The following TRABD2B variants were observed in gnomAD, a reference collection of about 807,000 sequenced individuals.
TRABD2B encodes the protein metalloprotease TIKI2.
Under a neutral mutation model 40.1 loss-of-function variants are expected in TRABD2B, and 14 were observed. The observed-to-expected ratio is 0.35, with a 90% confidence interval of 0.23 to 0.55. The LOEUF is 0.55. Among genes scored for constraint, TRABD2B ranks in the 20% least tolerant of loss-of-function variants. The pLI is 0.90. For synonymous variants in TRABD2B, 263 were observed against 277.0 expected, an observed-to-expected ratio of 0.95 and a Z score of 0.50; for missense variants, 541 against 648.6, an observed-to-expected ratio of 0.83 and a Z score of 1.80.
chr1:47,765,580 C>T lies in TRABD2B; in HGVS notation c.*322G>A. The T allele has an allele frequency of 5.5e-6, 2 of 363,514 alleles. No homozygotes were observed. Among genetic ancestry groups the T allele is most frequent in the Non-Finnish European group, 1.0e-5 (2 of 195,204 alleles). 22.5% of individuals were successfully genotyped at this position (363,514 alleles called of 1,614,324 possible). ...AGGAGGTCACTGATGTCCCGGGTTC[C>T]CCTCCCGGGCCAGCACTAGGGCTAG... is the stretch of plus-strand genomic sequence containing the variant. On this transcript the variant is annotated 3_prime_UTR_variant, in exon 7 of 7. Transcript: ENST00000606738.
At chr1:47,890,743 C>G in intron 2 of TRABD2B, among the ~76,000 whole-genome samples, 1 of 152,300 alleles carries the variant, frequency 6.6e-6, no homozygotes, top group East Asian at 1.9e-4. Flanking sequence ...GTCCCTTTAA[C>G]GTTCATTCAA....
chr1:47,965,049 C>T (rs1307746743), intron 2 of TRABD2B, among the ~76,000 whole-genome samples: 5 of 151,670 alleles, frequency 3.3e-5, no homozygotes, highest in Non-Finnish European at 7.4e-5. Flanking sequence ...TACTAAGGGG[C>T]TTTAAGCATT....
chr1:47,980,008 A>G (rs1645817889), intron 2 of TRABD2B, among the ~76,000 whole-genome samples: 2 of 152,168 alleles, frequency 1.3e-5, no homozygotes, highest in Admixed American at 1.3e-4. Context: ...TCTGAAATGC[A>G]GAACATGAGA....
chr1:47,874,251 A>ACTTTT (rs1305672299), intron 2 of TRABD2B, among the ~76,000 whole-genome samples: 1 of 100,808 alleles, frequency 9.9e-6, no homozygotes, highest in African/African-American at 3.8e-5. Flanking sequence ...TTGATTAATT[A>ACTTTT]ATTTTTTTTT....
At chr1:47,777,754 C>T (rs765315220) in intron 5 of TRABD2B, among the ~76,000 whole-genome samples, 3 of 152,290 alleles carry the variant, frequency 2.0e-5, no homozygotes, top group Non-Finnish European at 4.4e-5. Flanking sequence ...GTCTGAGGAT[C>T]CTGTCACTGA....
chr1:47,856,621 G>T (rs768968326), intron 2 of TRABD2B, among the ~76,000 whole-genome samples: 1 of 152,160 alleles, frequency 6.6e-6, no homozygotes, highest in Admixed American at 6.5e-5. Context: ...TGTCCTGATG[G>T]TCTAAGTGGA....
intron 3 of TRABD2B, among the ~76,000 whole-genome samples, chr1:47,800,305 A>T (rs1477559580): frequency 6.6e-6 from 1 of 152,210 alleles, no homozygotes; most frequent in Non-Finnish European, 1.5e-5. Flanking sequence ...ATTCTGAGTC[A>T]GGTGGTTGGG....
chr1:47,892,523 G>A (rs572317591), intron 2 of TRABD2B, among the ~76,000 whole-genome samples: 16 of 152,254 alleles, frequency 1.1e-4, no homozygotes, highest in South Asian at 6.2e-4. Flanking sequence ...TGGTCTCCTC[G>A]GTACAAAGTA....
At chr1:47,871,293 C>T (rs562801553) in intron 2 of TRABD2B, among the ~76,000 whole-genome samples, 23 of 152,264 alleles carry the variant, frequency 1.5e-4, no homozygotes, top group Middle Eastern at 3.4e-3. Context: ...CCCCAGCATA[C>T]GCCGTCAGTG....
chr1:47,789,999 G>T (rs922733563), intron 4 of TRABD2B, among the ~76,000 whole-genome samples: 1 of 150,404 alleles, frequency 6.6e-6, no homozygotes, highest in Admixed American at 6.6e-5. Context: ...TTTTCATTTT[G>T]CCAAATGAGG....
chr1:47,922,803 C>T (rs1644919361), intron 2 of TRABD2B, among the ~76,000 whole-genome samples: 1 of 152,200 alleles, frequency 6.6e-6, no homozygotes, highest in African/African-American at 2.4e-5. Flanking sequence ...TCTACTCCGA[C>T]CTCCCTCTAG....
intron 2 of TRABD2B, among the ~76,000 whole-genome samples, chr1:47,838,472 T>C (rs1258366824): frequency 1.3e-5 from 2 of 152,198 alleles, no homozygotes; most frequent in African/African-American, 2.4e-5. Context: ...TCTGTGAGGC[T>C]CTGAGTCTGT....
At chr1:47,772,403 G>C (rs1285603539) in intron 6 of TRABD2B, among the ~76,000 whole-genome samples, 2 of 151,920 alleles carry the variant, frequency 1.3e-5, no homozygotes, top group Non-Finnish European at 2.9e-5. Context: ...GACAGGGGCA[G>C]CAGACCTCGA....
chr1:47,884,717 G>C (rs1202984403), intron 2 of TRABD2B, among the ~76,000 whole-genome samples: 2 of 152,118 alleles, frequency 1.3e-5, no homozygotes, highest in African/African-American at 4.8e-5. Context: ...CCAGGTTCAA[G>C]CGATTCTCCA....
chr1:47,836,194 T>C (rs1414450086), intron 2 of TRABD2B, among the ~76,000 whole-genome samples: 1 of 152,242 alleles, frequency 6.6e-6, no homozygotes, highest in Non-Finnish European at 1.5e-5. Context: ...GTCATTTCAG[T>C]CTAGATGACC....
intron 2 of TRABD2B, among the ~76,000 whole-genome samples, chr1:47,916,833 T>C (rs1294219321): frequency 2.6e-5 from 4 of 152,224 alleles, no homozygotes; most frequent in Non-Finnish European, 5.9e-5. Flanking sequence ...CTTCTCCCCA[T>C]TCTGTTTCAC....
chr1:47,920,861 C>T (rs1300841093), intron 2 of TRABD2B, among the ~76,000 whole-genome samples: 1 of 152,172 alleles, frequency 6.6e-6, no homozygotes, highest in South Asian at 2.1e-4. Flanking sequence ...ATCTCTTGTA[C>T]TTTATGAATG....
At chr1:47,985,414 G>A (rs1454930533) in intron 2 of TRABD2B, among the ~76,000 whole-genome samples, 1 of 152,256 alleles carries the variant, frequency 6.6e-6, no homozygotes, top group Non-Finnish European at 1.5e-5. Flanking sequence ...CAAGAATGAA[G>A]GTGACAGAGT....
chr1:47,861,791 C>T (rs1643976447), intron 2 of TRABD2B, among the ~76,000 whole-genome samples: 2 of 152,082 alleles, frequency 1.3e-5, no homozygotes, highest in Admixed American at 6.6e-5. Context: ...CAACCTCAAA[C>T]CAGACAAAGA....
Sources: allele counts gnomAD v4.1 joint callset (sites outside exome capture counted in the v4.1 genomes callset), GRCh38; gene constraint gnomAD v4.1.1; transcripts MANE v1.5; gene names NCBI Gene and HGNC (gene_info 2026-07-23, HGNC 2026-07-21).